Variants in DIXDC1 observed in about 807,000 individuals in gnomAD.
The protein encoded by DIXDC1 is dixin.
Under a neutral mutation model 103.1 loss-of-function variants are expected in DIXDC1, and 64 were observed. The observed-to-expected ratio is 0.62, with a 90% confidence interval of 0.51 to 0.76. The LOEUF (loss-of-function observed/expected upper bound fraction) is 0.76, where lower values mean the gene tolerates loss of function less well. Ranked by LOEUF, DIXDC1 falls within the 30% of genes least tolerant of loss-of-function variation. DIXDC1 has a pLI of 0.00. For missense variants in DIXDC1, 759 were observed against 834.2 expected, an observed-to-expected ratio of 0.91 and a Z score of 1.11; for synonymous variants, 266 against 298.5, an observed-to-expected ratio of 0.89 and a Z score of 1.12.
chr11:112,019,228 C>A lies in DIXDC1; in HGVS notation c.*192C>A. The A allele has an allele frequency of 2.1e-6, 1 of 474,718 alleles. No homozygotes were observed. The highest frequency in any genetic ancestry group is 3.8e-6 in the Non-Finnish European group (1 of 260,852). The allele number at this position is 474,718 out of a possible 1,614,324, so 29.4% of individuals were successfully genotyped here. On this transcript the variant is annotated 3_prime_UTR_variant, in exon 20 of 20. Transcript: ENST00000440460. Reference sequence around the variant, plus strand: ...CATATCTGGTACTTAAAATTCTGTCCAAATGTAGACCATGGGTTCATCTGG... The same window carrying A: ...CATATCTGGTACTTAAAATTCTGTCAAAATGTAGACCATGGGTTCATCTGG...
In DIXDC1 at chr11:111,995,047, A is replaced by C. The variant is rs1555175158; in HGVS notation, c.1466A>C (p.Gln489Pro). The stretch of plus-strand genomic sequence containing the variant: ...ACCAACTACAACAGTCACAACTCTC[A>C]AAGCAATGGTTTTCTCCTTCCAACG... The part of the protein sequence containing the change: ...EATNYNSHNS[Q>P]SNGFLLPTAG... Residue 489 changes from glutamine (Q) to proline (P), a missense_variant, in exon 15 of 20, where the codon CAA becomes CCA. Gln to Pro is a moderately conservative substitution (Grantham distance 76, BLOSUM62 -1). This residue lies in a region of DIXDC1 where 657 missense variants were observed against 727.5 expected (regional missense o/e 0.90). Transcript: ENST00000440460. The C allele has an allele frequency of 6.2e-7, 1 of 1,613,804 alleles. No individual in the cohort carries two copies. Among genetic ancestry groups the C allele is most frequent in the Non-Finnish European group, 8.5e-7 (1 of 1,179,882 alleles).
chr11:111,996,811 T>C (rs1053308058), intron 17 of DIXDC1, among the ~76,000 whole-genome samples: 6 of 152,168 alleles, frequency 3.9e-5, no homozygotes, highest in East Asian at 1.9e-4. Flanking sequence ...GATTGCGCCA[T>C]TGCACTCCAG....
chr11:112,001,908 C>T (rs1324440125), intron 17 of DIXDC1, among the ~76,000 whole-genome samples: 1 of 152,022 alleles, frequency 6.6e-6, no homozygotes, highest in East Asian at 1.9e-4. Context: ...ACATGCCCAC[C>T]ACCACACCTG....
At chr11:111,933,450 G>C (rs1227796926), upstream of DIXDC1, among the ~76,000 whole-genome samples, 1 of 151,596 alleles carries the variant, frequency 6.6e-6, no homozygotes, top group Non-Finnish European at 1.5e-5. Context: ...CTCTTTTTTT[G>C]AGGCAGTGTC....
At chr11:111,947,342 G>A (rs1592549826) in intron 1 of DIXDC1, among the ~76,000 whole-genome samples, 1 of 152,200 alleles carries the variant, frequency 6.6e-6, no homozygotes, top group East Asian at 1.9e-4. Context: ...TCCTGTAAAA[G>A]GCATATGGTA....
At chr11:111,939,213 T>C (rs1236667867) in intron 1 of DIXDC1, among the ~76,000 whole-genome samples, 3 of 152,222 alleles carry the variant, frequency 2.0e-5, no homozygotes, top group African/African-American at 7.2e-5. Context: ...GGTCCTAATC[T>C]TAGTTTTCTG....
At chr11:111,984,030 T>G (rs1328662884) in intron 7 of DIXDC1, among the ~76,000 whole-genome samples, 1 of 152,220 alleles carries the variant, frequency 6.6e-6, no homozygotes, top group Non-Finnish European at 1.5e-5. Flanking sequence ...CCCTGGCTTC[T>G]TATATATGTC....
chr11:111,937,854 A>G (rs1335009769), intron 1 of DIXDC1, among the ~76,000 whole-genome samples: 1 of 152,194 alleles, frequency 6.6e-6, no homozygotes, highest in Admixed American at 6.5e-5. Flanking sequence ...GGGGGTCTCC[A>G]TCCTCCCTAG....
chr11:111,972,982 C>A (rs1859983509), intron 3 of DIXDC1, among the ~76,000 whole-genome samples: 1 of 150,592 alleles, frequency 6.6e-6, no homozygotes. Flanking sequence ...TCGCTTGAAC[C>A]CAGGAGGCAG....
intron 1 of DIXDC1, among the ~76,000 whole-genome samples, chr11:111,954,995 T>C (rs1966878951): frequency 6.6e-6 from 1 of 152,108 alleles, no homozygotes. Context: ...GGTATGTATG[T>C]ATGCATATAT....
At chr11:111,933,348 G>A (rs1278685727), upstream of DIXDC1, among the ~76,000 whole-genome samples, 2 of 152,090 alleles carry the variant, frequency 1.3e-5, no homozygotes, top group African/African-American at 4.8e-5. Flanking sequence ...GGCTGGTCTC[G>A]GACTCCTGAC....
intron 9 of DIXDC1, among the ~76,000 whole-genome samples, chr11:111,987,505 T>TAATACC (rs1173152470): frequency 1.3e-5 from 2 of 152,154 alleles, no homozygotes; most frequent in Non-Finnish European, 2.9e-5. Context: ...AAAATGTATC[T>TAATACC]AATACCAGTA....
At chr11:111,964,471 A>G in intron 1 of DIXDC1, 78 bp from the exon 2 acceptor site, 1 of 1,514,246 alleles carries the variant, frequency 6.6e-7, no homozygotes, top group Non-Finnish European at 8.9e-7. Flanking sequence ...CCAGTCACAA[A>G]CGCTTCCTCA....
chr11:111,942,175 C>T (rs920238914), intron 1 of DIXDC1, among the ~76,000 whole-genome samples: 1 of 152,234 alleles, frequency 6.6e-6, no homozygotes, highest in East Asian at 1.9e-4. Flanking sequence ...GCTTCATTCC[C>T]ACAGGAGGCA....
intron 2 of DIXDC1, among the ~76,000 whole-genome samples, chr11:111,966,397 A>AT (rs1221666046): frequency 0.042 from 2,440 of 58,628 alleles, 148 homozygotes; most frequent in African/African-American, 0.061. Context: ...TAATTTTTGT[A>AT]TTTTTTTTTT....
At chr11:111,986,967 G>T in intron 9 of DIXDC1, 43 bp downstream of exon 9, 1 of 1,522,886 alleles carries the variant, frequency 6.6e-7, no homozygotes, top group Non-Finnish European at 8.9e-7. Context: ...AAACATTATG[G>T]GGGCCAGGCA....
chr11:112,020,905 A>G lies in DIXDC1; in HGVS notation c.*1869A>G, dbSNP rs888503658. The G allele has an allele frequency of 5.3e-5, 8 of 152,246 alleles. No individual in the cohort carries two copies. The highest frequency in any genetic ancestry group is 1.3e-4 in the Admixed American group (2 of 15,284). The allele number at this position is 152,246 out of a possible 1,614,324, so 9.4% of individuals were successfully genotyped here. A position where few individuals can be genotyped will look rare whatever the true frequency, so the allele number is the denominator to read the frequency against. ...TCGAAAGCAAACAGAAGAAAAAAGT[A>G]TATTCTCACAGTTTTTCCCCAGGAA... is the stretch of plus-strand genomic sequence containing the variant. On this transcript the variant is annotated 3_prime_UTR_variant, in exon 20 of 20. Coordinates refer to ENST00000440460, the MANE Select transcript of DIXDC1 (RefSeq NM_001037954.4).
At chr11:111,931,666 T>A (rs1020540323) in intron 2 of DIXDC1, among the ~76,000 whole-genome samples, 2 of 151,852 alleles carry the variant, frequency 1.3e-5, no homozygotes, top group African/African-American at 2.4e-5. Flanking sequence ...AAATAAATAA[T>A]TAAAAAAAGA....
At chr11:111,975,498 G>A (rs587746598) in intron 5 of DIXDC1, 8 of 991,928 alleles carry the variant, frequency 8.1e-6, no homozygotes, top group South Asian at 4.6e-5. Context: ...TGATGTTTGC[G>A]ACTCTAGCTA....
Sources: allele counts gnomAD v4.1 joint callset (sites outside exome capture counted in the v4.1 genomes callset), GRCh38; gene constraint gnomAD v4.1.1; regional missense constraint gnomAD v4.1.1; transcripts MANE v1.5; gene names NCBI Gene and HGNC (gene_info 2026-07-23, HGNC 2026-07-21).